SCHIP1: variants seen among roughly 807,000 people sequenced by gnomAD.
SCHIP1 encodes the protein schwannomin-interacting protein 1.
Under a neutral mutation model 29.7 loss-of-function variants are expected in SCHIP1, and 8 were observed. The observed-to-expected ratio is 0.27, with a 90% confidence interval of 0.16 to 0.49. The LOEUF is 0.49. Among genes scored for constraint, SCHIP1 ranks in the 20% least tolerant of loss-of-function variants. The pLI is 0.99. For synonymous variants in SCHIP1, 76 were observed against 94.9 expected, an observed-to-expected ratio of 0.80 and a Z score of 1.16; for missense variants, 193 against 294.6, an observed-to-expected ratio of 0.66 and a Z score of 2.52.
At chr3:159,881,498 A>G (rs1560094992) in intron 2 of SCHIP1, among the ~76,000 whole-genome samples, 1 of 152,252 alleles carries the variant, frequency 6.6e-6, no homozygotes, top group Non-Finnish European at 1.5e-5. Context: ...CATATGGGAC[A>G]TTCCCTTTCA....
At chr3:159,463,739 G>A in the SCHIP1 span, among the ~76,000 whole-genome samples, 1 of 105,890 alleles carries the variant, frequency 9.4e-6, no homozygotes, top group Non-Finnish European at 1.9e-5. Context: ...AGAACAGAAT[G>A]AGATATATAT....
chr3:159,699,213 G>T, the SCHIP1 span, among the ~76,000 whole-genome samples: 1 of 152,046 alleles, frequency 6.6e-6, no homozygotes, highest in African/African-American at 2.4e-5. Context: ...ATTGACTTAG[G>T]CATTTGCTCT....
At chr3:159,521,798 T>C in the SCHIP1 span, among the ~76,000 whole-genome samples, 1 of 152,234 alleles carries the variant, frequency 6.6e-6, no homozygotes, top group Non-Finnish European at 1.5e-5. Flanking sequence ...TTTACCATAA[T>C]ATGTTTACAT....
chr3:159,720,812 T>C, the SCHIP1 span, among the ~76,000 whole-genome samples: 3 of 152,196 alleles, frequency 2.0e-5, no homozygotes, highest in African/African-American at 7.2e-5. Context: ...TGCAAACTCC[T>C]GACCTCAGGT....
chr3:159,395,507 C>G, the SCHIP1 span, among the ~76,000 whole-genome samples: 3 of 151,414 alleles, frequency 2.0e-5, no homozygotes, highest in East Asian at 3.9e-4. Flanking sequence ...CCCAGAGATT[C>G]TGGTATGTTG....
At chr3:159,275,258 T>G in the SCHIP1 span, 22,691 of 204,232 alleles carry the variant, frequency 0.11, 1,469 homozygotes, top group Middle Eastern at 0.14. Context: ...TTTCCCAAAA[T>G]TTTATTATTC....
the SCHIP1 span, among the ~76,000 whole-genome samples, chr3:159,819,920 G>A: frequency 6.6e-6 from 1 of 152,206 alleles, no homozygotes; most frequent in Admixed American, 6.5e-5. Flanking sequence ...CAGAGGATGA[G>A]GGTTAGCCCC....
the SCHIP1 span, among the ~76,000 whole-genome samples, chr3:159,545,894 C>T: frequency 6.6e-6 from 1 of 151,448 alleles, no homozygotes; most frequent in African/African-American, 2.4e-5. Context: ...AATTTCCAGT[C>T]TGGGGACTGA....
chr3:159,416,301 C>T, the SCHIP1 span, among the ~76,000 whole-genome samples: 1 of 152,192 alleles, frequency 6.6e-6, no homozygotes, highest in Non-Finnish European at 1.5e-5. Flanking sequence ...GGCTCCACCT[C>T]CATCCATTAC....
chr3:159,340,399 G>A, the SCHIP1 span, among the ~76,000 whole-genome samples: 1 of 151,832 alleles, frequency 6.6e-6, no homozygotes, highest in East Asian at 1.9e-4. Context: ...ATTGTTTCAA[G>A]AATCAATTTT....
the SCHIP1 span, among the ~76,000 whole-genome samples, chr3:159,683,816 A>C: frequency 3.1e-3 from 466 of 152,322 alleles, 3 homozygotes; most frequent in Middle Eastern, 0.01. Flanking sequence ...TCTGAAGATA[A>C]GACTCTGGTG....
chr3:159,386,790 T>C, the SCHIP1 span: 1 of 152,414 alleles, frequency 6.6e-6, no homozygotes, highest in Non-Finnish European at 1.5e-5. Flanking sequence ...TTGGGTCCTG[T>C]GTGTGGAAAC....
the SCHIP1 span, among the ~76,000 whole-genome samples, chr3:159,693,611 C>T: frequency 3.3e-5 from 5 of 152,170 alleles, no homozygotes; most frequent in African/African-American, 9.6e-5. Context: ...ATTAAGAAAA[C>T]GCCAAGACAC....
the SCHIP1 span, among the ~76,000 whole-genome samples, chr3:159,404,898 G>A: frequency 3.9e-5 from 6 of 152,312 alleles, no homozygotes; most frequent in East Asian, 3.9e-4. Flanking sequence ...TGACATAGGC[G>A]TTTGTGTCAC....
chr3:159,869,747 T>C (rs985620529), intron 2 of SCHIP1, among the ~76,000 whole-genome samples: 1 of 151,908 alleles, frequency 6.6e-6, no homozygotes, highest in Non-Finnish European at 1.5e-5. Context: ...CAAAATACTC[T>C]CTTGGAATTT....
the SCHIP1 span, among the ~76,000 whole-genome samples, chr3:159,292,014 G>A: frequency 1.3e-5 from 2 of 152,104 alleles, no homozygotes; most frequent in Non-Finnish European, 2.9e-5. Flanking sequence ...ATTAGAAAAA[G>A]TTTAGTATTA....
At chr3:159,658,671 T>A in the SCHIP1 span, among the ~76,000 whole-genome samples, 1 of 152,122 alleles carries the variant, frequency 6.6e-6, no homozygotes, top group Non-Finnish European at 1.5e-5. Flanking sequence ...CCAAAACCCA[T>A]TCACATCCTG....
the SCHIP1 span, among the ~76,000 whole-genome samples, chr3:159,291,288 A>T: frequency 6.6e-6 from 1 of 152,118 alleles, no homozygotes; most frequent in Non-Finnish European, 1.5e-5. Flanking sequence ...ATAAAAGGAG[A>T]GAAATTATTG....
the SCHIP1 span, chr3:159,399,024 C>G: frequency 1.3e-6 from 1 of 755,710 alleles, no homozygotes; most frequent in African/African-American, 1.9e-5. Flanking sequence ...ATTCTAGTGC[C>G]CACCCCAAAC....
Sources: allele counts gnomAD v4.1 joint callset (sites outside exome capture counted in the v4.1 genomes callset), GRCh38; gene constraint gnomAD v4.1.1; transcripts MANE v1.5; gene names NCBI Gene and HGNC (gene_info 2026-07-23, HGNC 2026-07-21).